Variants in ATP7B observed in about 807,000 individuals in gnomAD.
ATP7B encodes ATPase copper transporting beta, also known as copper-transporting ATPase 2.
A neutral mutation model predicts 118.9 loss-of-function variants in ATP7B; 113 were observed. The ratio of observed to expected loss-of-function variants is 0.95; its 90% CI spans 0.82 to 1.11. The LOEUF is 1.11. ATP7B is among the 50% of genes most tolerant of loss of function. The pLI, the probability that ATP7B is intolerant of heterozygous loss-of-function variation, is 0.00. For synonymous variants in ATP7B, 777 were observed against 727.4 expected (o/e 1.07, Z -1.10); for missense variants, 1,867 against 1,871.4 (o/e 1.00, Z 0.04).
At chr13:52,008,383 G>A (rs571782465) in intron 1 of ATP7B, among the ~76,000 whole-genome samples, 5 of 152,166 alleles carry the variant, frequency 3.3e-5, no homozygotes, top group East Asian at 1.9e-4. Flanking sequence ...CTATTCTGCC[G>A]GCATCACTGA....
At chr13:51,940,516 G>A (rs189171505) in intron 16 of ATP7B, among the ~76,000 whole-genome samples, 1 of 151,852 alleles carries the variant, frequency 6.6e-6, no homozygotes, top group Admixed American at 6.5e-5. Context: ...GTGGTGGCGG[G>A]GGCCTGTAAT....
intron 1 of ATP7B, among the ~76,000 whole-genome samples, chr13:52,002,977 T>C (rs1298756991): frequency 2.0e-5 from 3 of 152,240 alleles, no homozygotes; most frequent in Non-Finnish European, 4.4e-5. Flanking sequence ...AGGACCTTGC[T>C]CTGGACTAGG....
chr13:51,958,469 T>C lies in ATP7B; in HGVS notation c.2197A>G (p.Ile733Val), dbSNP rs1958502145. 6.2e-7 allele frequency: 1 copy of C among 1,614,212 alleles called. No individual in the cohort carries two copies. The highest frequency in any genetic ancestry group is 8.5e-7 in the Non-Finnish European group (1 of 1,180,038). The part of the protein sequence containing the change: ...RHRSANMDVL[I>V]VLATSIAYVY... ...TAAGCAATGCTTGTGGCCAGGACGA[T>C]GAGCACGTCCATGTTGGCTGACCTG... Residue 733 changes from isoleucine (I) to valine (V), a missense_variant, in exon 8 of 21, where the codon ATC becomes GTC. Transcript: ENST00000242839.
At chr13:51,949,288 C>T (rs967681070) in intron 12 of ATP7B, among the ~76,000 whole-genome samples, 1 of 152,154 alleles carries the variant, frequency 6.6e-6, no homozygotes, top group African/African-American at 2.4e-5. Context: ...AGATATTTTT[C>T]TTAAAATGTA....
At chr13:51,939,028 T>C in intron 17 of ATP7B, 23 bp downstream of exon 17, 7 of 1,614,204 alleles carry the variant, frequency 4.3e-6, no homozygotes, top group Non-Finnish European at 4.2e-6. Flanking sequence ...CTTTACACAG[T>C]TTGCAACATT....
chr13:51,996,321 TAGG>T (rs1454864933), intron 1 of ATP7B, among the ~76,000 whole-genome samples: 1 of 152,100 alleles, frequency 6.6e-6, no homozygotes, highest in Non-Finnish European at 1.5e-5. Flanking sequence ...TGGGGATTAA[TAGG>T]AGGAGACACA....
At position 51,939,166 on chromosome 13, in the gene ATP7B, G is replaced by A. The variant is rs2138671758; in HGVS notation, c.3584C>T (p.Ala1195Val). ...DGVLCGMIAI[A>V]DAVKQEAALA... The stretch of plus-strand genomic sequence containing the variant: ...GGCAGCCTCCTGCTTGACAGCGTCT[G>A]CGATTGCGATCATCCCACAGAGCAC... The change falls in exon 17 of 21, where the codon GCA (alanine) becomes GTA (valine). Residue 1195 changes from alanine to valine, a missense_variant. Ala to Val is a moderately conservative substitution (Grantham distance 64). Transcript: ENST00000242839. 1 of 1,613,958 alleles carries A rather than the reference G, an allele frequency of 6.2e-7. No individual in the cohort carries two copies. Among genetic ancestry groups the A allele is most frequent in the Non-Finnish European group, 8.5e-7 (1 of 1,180,050 alleles).
chr13:51,951,771 C>T (rs9563079), intron 9 of ATP7B, among the ~76,000 whole-genome samples: 3 of 152,024 alleles, frequency 2.0e-5, no homozygotes, highest in South Asian at 2.1e-4. Context: ...GGCAAATATA[C>T]GTAAAATTCA....
chr13:52,006,213 T>C (rs1953763305), intron 1 of ATP7B, among the ~76,000 whole-genome samples: 1 of 152,240 alleles, frequency 6.6e-6, no homozygotes, highest in Non-Finnish European at 1.5e-5. Flanking sequence ...CTCTCAGCAC[T>C]GAACACGGAT....
intron 16 of ATP7B, among the ~76,000 whole-genome samples, chr13:51,940,801 G>C (rs1471068014): frequency 6.6e-6 from 1 of 152,140 alleles, no homozygotes; most frequent in African/African-American, 2.4e-5. Flanking sequence ...ACTCTGAACT[G>C]CCCACCTGGA....
chr13:51,935,220 G>A (rs965401564), intron 20 of ATP7B, among the ~76,000 whole-genome samples, 191 bp from the exon 21 acceptor site: 1 of 152,154 alleles, frequency 6.6e-6, no homozygotes, highest in African/African-American at 2.4e-5. Flanking sequence ...AACTTCCTAA[G>A]CAAATGCCTT....
At chr13:51,984,014 G>A (rs1952539526) in intron 1 of ATP7B, among the ~76,000 whole-genome samples, 1 of 151,958 alleles carries the variant, frequency 6.6e-6, no homozygotes, top group African/African-American at 2.4e-5. Flanking sequence ...TCCTTCAAAG[G>A]ATCACAACTC....
rs755641854 is a variant in ATP7B at position 51,960,176 on chromosome 13, A to G, written c.2093T>C (p.Ile698Thr). 6.2e-7 allele frequency: 1 copy of G among 1,613,986 alleles called. No individual in the cohort carries two copies. Among genetic ancestry groups the G allele is most frequent in the South Asian group, 1.1e-5 (1 of 91,076 alleles). Reference protein sequence around the residue: ...IIPGLSILNLIFFILCTFVQL... With the variant: ...IIPGLSILNLTFFILCTFVQL... ...GACAAAGGTACACAAGATAAAGAAG[A>G]TGAGATTTAGAATGGACAGTCCTGG... is the stretch of plus-strand genomic sequence containing the variant. Residue 698 changes from isoleucine (I) to threonine (T), a missense_variant, in exon 7 of 21, where the codon ATC becomes ACC. Coordinates refer to ENST00000242839, the MANE Select transcript of ATP7B (RefSeq NM_000053.4).
Position 51,950,544 on chromosome 13 carries a change from C to T in ATP7B, c.2448-145G>A, listed in dbSNP as rs74085897. On this transcript the variant is annotated intron_variant, in intron 9 of 20. Coordinates refer to ENST00000242839, the MANE Select transcript of ATP7B (RefSeq NM_000053.4). ...GATCTGTTCATTTACAGATATTTATCGTGCAGCTGCTGAATACCAGGCACT... is the reference window on the plus strand; with the variant it reads ...GATCTGTTCATTTACAGATATTTATTGTGCAGCTGCTGAATACCAGGCACT... 7.7e-4 allele frequency: 991 copies of T among 1,288,372 alleles called. 4 individuals are homozygous for T. In the African/African-American group the frequency reaches 0.013, roughly 16 times the overall value. 79.8% of individuals were successfully genotyped at this position (1,288,372 alleles called of 1,614,324 possible).
At chr13:51,949,531 A>G in intron 12 of ATP7B, 131 bp downstream of exon 12, 5 of 1,372,466 alleles carry the variant, frequency 3.6e-6, no homozygotes, top group Non-Finnish European at 5.1e-6. Flanking sequence ...TTTGCTGTCA[A>G]TAAGAGAAGC....
chr13:52,011,969 G>C (rs1242309071), upstream of ATP7B: 14 of 300,276 alleles, frequency 4.7e-5, no homozygotes, highest in Non-Finnish European at 9.0e-5. Flanking sequence ...CCTGGCTGCC[G>C]GACGCCGTGG....
At position 51,999,972 on chromosome 13, in the gene ATP7B, C is replaced by T. The variant is rs572401773; in HGVS notation, c.51+11315G>A. Among the ~76,000 whole-genome samples the T allele has an allele frequency of 3.3e-5, 5 of 152,216 alleles. No homozygotes were observed. In the East Asian group the frequency reaches 9.7e-4, roughly 29 times the overall value. ...CTCCAAGCTCAGCCTCCAAGTTGCCCCACCTCCTGATTTTCCTCCTATCCT... is the reference window on the plus strand; with the variant it reads ...CTCCAAGCTCAGCCTCCAAGTTGCCTCACCTCCTGATTTTCCTCCTATCCT... On this transcript the variant is annotated intron_variant, in intron 1 of 20. Transcript: ENST00000242839.
At chr13:51,995,424 T>A in intron 1 of ATP7B, 2 of 806,316 alleles carry the variant, frequency 2.5e-6, no homozygotes, top group Non-Finnish European at 3.0e-6. Context: ...GCTGAATGCC[T>A]AACCCCAGGG....
At chr13:51,944,556 C>T (rs562149603) in intron 13 of ATP7B, among the ~76,000 whole-genome samples, 5 of 152,316 alleles carry the variant, frequency 3.3e-5, no homozygotes, top group African/African-American at 9.6e-5. Flanking sequence ...GTCGGCTGTA[C>T]AGGAGATGGC....
Sources: gnomAD v4.1 joint callset for allele counts (sites outside exome capture counted in the v4.1 genomes callset) on GRCh38, gnomAD v4.1.1 for gene constraint, MANE v1.5 for transcripts, NCBI Gene and HGNC (gene_info 2026-07-23, HGNC 2026-07-21) for gene names.